Variants in LIMD1 observed in about 807,000 individuals in gnomAD.
LIMD1 encodes the protein LIM domain containing 1, also known as LIM domain-containing protein 1.
In LIMD1, 23 loss-of-function variants were observed where a neutral mutation model predicts 58.4. That is an observed-to-expected ratio of 0.39 (90% CI 0.28 to 0.56). The LOEUF is 0.56. Among genes scored for constraint, LIMD1 ranks in the 20% least tolerant of loss-of-function variants. The pLI, the probability that LIMD1 is intolerant of heterozygous loss-of-function variation, is 0.57. For missense variants in LIMD1, 838 were observed against 855.5 expected, an observed-to-expected ratio of 0.98 and a Z score of 0.25; for synonymous variants, 334 against 345.5, an observed-to-expected ratio of 0.97 and a Z score of 0.37.
Position 45,678,495 on chromosome 3 carries a change from G to T in LIMD1, c.*1436G>T, listed in dbSNP as rs1037666840. 3.3e-5 allele frequency: 5 copies of T among 152,338 alleles called. No homozygotes were observed. Among genetic ancestry groups the T allele is most frequent in the African/African-American group, 1.2e-4 (5 of 41,460 alleles). 9.4% of individuals were successfully genotyped at this position (152,338 alleles called of 1,614,324 possible). A position where few individuals can be genotyped will look rare whatever the true frequency, so the allele number is the denominator to read the frequency against. Reference sequence around the variant, plus strand: ...TGGCAAGATTTCAAGACCACTCTCTGCACTGAAGAGGTAAAATTTGCACTG... The same window carrying T: ...TGGCAAGATTTCAAGACCACTCTCTTCACTGAAGAGGTAAAATTTGCACTG... On this transcript the variant is annotated 3_prime_UTR_variant, in exon 8 of 8. Transcript: ENST00000273317.
At chr3:45,649,612 CA>C (rs1213056377) in intron 2 of LIMD1, among the ~76,000 whole-genome samples, 5 of 148,708 alleles carry the variant, frequency 3.4e-5, no homozygotes, top group African/African-American at 1.2e-4. Flanking sequence ...ACGCAGGAGG[CA>C]GAGCTTGCAG....
intron 2 of LIMD1, among the ~76,000 whole-genome samples, chr3:45,655,484 C>T (rs184527911): frequency 8.5e-5 from 13 of 152,240 alleles, no homozygotes; most frequent in African/African-American, 2.9e-4. Context: ...GCATTTTTGA[C>T]CAAGATGAAC....
At chr3:45,611,501 A>T (rs1319211172) in intron 1 of LIMD1, among the ~76,000 whole-genome samples, 2 of 152,192 alleles carry the variant, frequency 1.3e-5, no homozygotes, top group African/African-American at 4.8e-5. Context: ...CCCTTGAGGG[A>T]GGTAGAGAAG....
chr3:45,648,282 A>G (rs1215404514), intron 2 of LIMD1, among the ~76,000 whole-genome samples: 2 of 152,150 alleles, frequency 1.3e-5, no homozygotes, highest in African/African-American at 4.8e-5. Context: ...GCAACCACTG[A>G]TCTTCCTATC....
Position 45,617,592 on chromosome 3 carries a change from A to G in LIMD1, c.1409-18558A>G, listed in dbSNP as rs546799255. Among the ~76,000 whole-genome samples, 17 of 152,264 alleles carry G rather than the reference A, an allele frequency of 1.1e-4. No homozygotes were observed. The South Asian group carries it at 2.7e-3, about 24-fold the overall frequency. Reference sequence around the variant, plus strand: ...CAGCAGCCCTGCAAAGTGCCCGCCAATTTTCTCTCCTGTTTTGAAGATGCG... The same window carrying G: ...CAGCAGCCCTGCAAAGTGCCCGCCAGTTTTCTCTCCTGTTTTGAAGATGCG... On this transcript the variant is annotated intron_variant, in intron 1 of 7. Coordinates refer to ENST00000273317, the MANE Select transcript of LIMD1 (RefSeq NM_014240.3).
At chr3:45,638,228 G>C (rs941042852) in intron 2 of LIMD1, among the ~76,000 whole-genome samples, 4 of 152,052 alleles carry the variant, frequency 2.6e-5, no homozygotes, top group African/African-American at 9.7e-5. Context: ...AAAGTCTTTG[G>C]CACATGTTTG....
chr3:45,644,792 C>A (rs941130554), intron 2 of LIMD1, among the ~76,000 whole-genome samples: 1 of 152,174 alleles, frequency 6.6e-6, no homozygotes, highest in Non-Finnish European at 1.5e-5. Context: ...CTTGACTTTT[C>A]AGGTTCAGCC....
chr3:45,657,246 A>G (rs1276254840), intron 2 of LIMD1, among the ~76,000 whole-genome samples: 1 of 152,174 alleles, frequency 6.6e-6, no homozygotes, highest in Non-Finnish European at 1.5e-5. Context: ...GTGGAAGGTT[A>G]CCTATCAAGT....
At position 45,684,753 on chromosome 3, in the gene LIMD1, G is replaced by C. The variant is rs538326343; in HGVS notation, c.*7694G>C. The C allele has an allele frequency of 6.6e-6, 1 of 152,306 alleles. No individual in the cohort carries two copies. Among genetic ancestry groups the C allele is most frequent in the East Asian group, 1.9e-4 (1 of 5,186 alleles). The allele number at this position is 152,306 out of a possible 1,614,324, so 9.4% of individuals were successfully genotyped here. A position where few individuals can be genotyped will look rare whatever the true frequency, so the allele number is the denominator to read the frequency against. On this transcript the variant is annotated 3_prime_UTR_variant, in exon 8 of 8. Transcript: ENST00000273317. ...GCAGATAGGGTTTTTTACTTGGCCA[G>C]AGCCTTGACACCTGCACACATGGCA... is the stretch of plus-strand genomic sequence containing the variant.
intron 1 of LIMD1, among the ~76,000 whole-genome samples, chr3:45,627,085 C>T (rs527687586): frequency 6.6e-6 from 1 of 152,250 alleles, no homozygotes; most frequent in East Asian, 1.9e-4. Flanking sequence ...CACACAAACA[C>T]CTTCTTCTGG....
intron 1 of LIMD1, among the ~76,000 whole-genome samples, chr3:45,610,347 G>A (rs958934453): frequency 1.9e-4 from 29 of 152,292 alleles, no homozygotes; most frequent in African/African-American, 6.7e-4. Context: ...GGGGCACTGG[G>A]CTGCTGTCCA....
intron 3 of LIMD1, among the ~76,000 whole-genome samples, 185 bp from the exon 4 acceptor site, chr3:45,668,109 T>C (rs1697542136): frequency 6.6e-6 from 1 of 152,364 alleles, no homozygotes. Flanking sequence ...GTATTTGTGA[T>C]GGCTTTCGTG....
chr3:45,614,371 T>TA (rs1701556866), intron 1 of LIMD1, among the ~76,000 whole-genome samples: 1 of 119,664 alleles, frequency 8.4e-6, no homozygotes, highest in African/African-American at 3.2e-5. Flanking sequence ...ACAACAAATA[T>TA]AAAAAATTAG....
At chr3:45,605,496 A>G (rs1415341335) in intron 1 of LIMD1, among the ~76,000 whole-genome samples, 2 of 152,270 alleles carry the variant, frequency 1.3e-5, no homozygotes, top group Non-Finnish European at 2.9e-5. Context: ...TGCAGAAAGT[A>G]TCCAGTACAA....
chr3:45,609,928 C>T (rs1324259651), intron 1 of LIMD1, among the ~76,000 whole-genome samples: 1 of 152,056 alleles, frequency 6.6e-6, no homozygotes, highest in Non-Finnish European at 1.5e-5. Flanking sequence ...GTGCGGTGGC[C>T]CATGCCTGTA....
intron 7 of LIMD1, among the ~76,000 whole-genome samples, chr3:45,674,945 T>C (rs1357960647): frequency 6.6e-6 from 1 of 152,354 alleles, no homozygotes; most frequent in East Asian, 1.9e-4. Context: ...ACCTGATGAC[T>C]GTCAGGAAAG....
chr3:45,635,923 G>T, intron 1 of LIMD1: 1 of 985,188 alleles, frequency 1.0e-6, no homozygotes. Flanking sequence ...GCATAACAGT[G>T]GGGCAGGGAA....
chr3:45,649,700 A>G (rs979960768), intron 2 of LIMD1, among the ~76,000 whole-genome samples: 9 of 133,008 alleles, frequency 6.8e-5, no homozygotes, highest in East Asian at 2.2e-4. Context: ...AAAATTATAT[A>G]TATGTATACA....
chr3:45,685,482 T>A lies in LIMD1; in HGVS notation c.*8423T>A, dbSNP rs1006588313. Reference sequence around the variant, plus strand: ...GACAGGCTGCAACTTAAACCCCTATTTTATTAAAGGAGAGGAAATGTCCAA... The same window carrying A: ...GACAGGCTGCAACTTAAACCCCTATATTATTAAAGGAGAGGAAATGTCCAA... On this transcript the variant is annotated 3_prime_UTR_variant, in exon 8 of 8. Transcript: ENST00000273317. 6.6e-6 allele frequency: 1 copy of A among 152,200 alleles called. No homozygotes were observed. Among genetic ancestry groups the A allele is most frequent in the Non-Finnish European group, 1.5e-5 (1 of 68,042 alleles). The allele number at this position is 152,200 out of a possible 1,614,324, so 9.4% of individuals were successfully genotyped here.
Sources: gnomAD v4.1 joint callset for allele counts (sites outside exome capture counted in the v4.1 genomes callset) on GRCh38, gnomAD v4.1.1 for gene constraint, MANE v1.5 for transcripts, NCBI Gene and HGNC (gene_info 2026-07-23, HGNC 2026-07-21) for gene names.